ASB3: variants seen among roughly 807,000 people sequenced by gnomAD.
ASB3 encodes the protein ankyrin repeat and SOCS box containing 3.
A neutral mutation model predicts 54.5 loss-of-function variants in ASB3; 41 were observed. That is an observed-to-expected ratio of 0.75 (90% CI 0.59 to 0.98). The LOEUF (loss-of-function observed/expected upper bound fraction) is 0.98. Ranked by LOEUF, ASB3 falls within the 50% of genes least tolerant of loss-of-function variation. The pLI, the probability that ASB3 is intolerant of heterozygous loss-of-function variation, is 0.00. For missense variants in ASB3, 733 were observed against 620.0 expected, an observed-to-expected ratio of 1.18 and a Z score of -1.94; for synonymous variants, 266 against 221.2, an observed-to-expected ratio of 1.20 and a Z score of -1.80.
Position 53,728,599 on chromosome 2 carries a change from T to A in ASB3, c.604+113A>T, listed in dbSNP as rs543714942. ...TATTTACTCTTATTTACCACTTACA[T>A]AAAACCATAAATTTCACAACCTGAT... On this transcript the variant is annotated intron_variant, in intron 5 of 9. Coordinates refer to ENST00000263634, the MANE Select transcript of ASB3 (RefSeq NM_016115.5). 33 of 1,328,296 alleles carry A rather than the reference T, an allele frequency of 2.5e-5. No individual in the cohort carries two copies. In the Admixed American group the frequency reaches 9.1e-4, roughly 37 times the overall value. 82.3% of individuals were successfully genotyped at this position (1,328,296 alleles called of 1,614,324 possible). A position where few individuals can be genotyped will look rare whatever the true frequency, so the allele number is the denominator to read the frequency against.
chr2:53,735,940 C>T (rs1671602131), intron 3 of ASB3, among the ~76,000 whole-genome samples: 1 of 149,340 alleles, frequency 6.7e-6, no homozygotes, highest in Admixed American at 6.7e-5. Flanking sequence ...ACACAATACC[C>T]AATTTCAGAT....
At chr2:53,755,014 A>G (rs865809836) in intron 2 of ASB3, among the ~76,000 whole-genome samples, 1 of 152,224 alleles carries the variant, frequency 6.6e-6, no homozygotes, top group African/African-American at 2.4e-5. Flanking sequence ...TGAAAAAGAA[A>G]TGGCTCATCC....
At chr2:53,688,391 G>C (rs984970390) in intron 9 of ASB3, among the ~76,000 whole-genome samples, 1 of 152,168 alleles carries the variant, frequency 6.6e-6, no homozygotes, top group East Asian at 1.9e-4. Context: ...CAAGGAAAGG[G>C]AGAGCAAAGA....
At chr2:53,780,419 C>T (rs1674579614) in intron 1 of ASB3, among the ~76,000 whole-genome samples, 1 of 152,052 alleles carries the variant, frequency 6.6e-6, no homozygotes, top group Admixed American at 6.6e-5. Flanking sequence ...TATCAAGAAT[C>T]ATATTTGGTG....
intron 9 of ASB3, 57 bp from the exon 10 acceptor site, chr2:53,670,747 C>A: frequency 6.5e-7 from 1 of 1,534,026 alleles, no homozygotes; most frequent in Non-Finnish European, 8.7e-7. Context: ...TGTAATAGCA[C>A]ATAAAGGTAA....
rs1672606350 is a variant in ASB3, at chr2:53,753,007, C to A, written c.197-2066G>T. On this transcript the variant is annotated intron_variant, in intron 2 of 9. Transcript: ENST00000263634. ...TAATCCTGACCATTTAAATATTATGCCTTACAGCAGAAAGAGTGAACCTTA... is the reference window on the plus strand; with the variant it reads ...TAATCCTGACCATTTAAATATTATGACTTACAGCAGAAAGAGTGAACCTTA... Among the ~76,000 whole-genome samples, 4 of 151,854 alleles carry A rather than the reference C, an allele frequency of 2.6e-5. No homozygotes were observed. The South Asian group carries it at 8.3e-4, about 32-fold the overall frequency.
chr2:53,710,259 A>C (rs892042895), intron 7 of ASB3, among the ~76,000 whole-genome samples: 1 of 152,198 alleles, frequency 6.6e-6, no homozygotes, highest in Non-Finnish European at 1.5e-5. Flanking sequence ...GTTTACTTTC[A>C]AGTTAATTTA....
At position 53,706,280 on chromosome 2, in the gene ASB3, A is replaced by C. The variant is rs999493074; in HGVS notation, c.981-5752T>G. Among the ~76,000 whole-genome samples, 14 of 152,214 alleles carry C rather than the reference A, an allele frequency of 9.2e-5. 2 individuals are homozygous for C. The highest frequency in any genetic ancestry group is 8.5e-4 in the Admixed American group (13 of 15,280). On this transcript the variant is annotated intron_variant, in intron 7 of 9. Coordinates refer to ENST00000263634, the MANE Select transcript of ASB3 (RefSeq NM_016115.5). ...AGACTAACATATAATAAATATGCTA[A>C]TCTGATATAATTATTGATTCATTAA...
intron 2 of ASB3, among the ~76,000 whole-genome samples, chr2:53,752,094 T>C (rs779969224): frequency 6.6e-6 from 1 of 152,214 alleles, no homozygotes; most frequent in Non-Finnish European, 1.5e-5. Context: ...CATCAGTAGA[T>C]TGGCTCCTAA....
At chr2:53,719,283 C>T (rs1670569440) in intron 5 of ASB3, among the ~76,000 whole-genome samples, 1 of 152,200 alleles carries the variant, frequency 6.6e-6, no homozygotes, top group Non-Finnish European at 1.5e-5. Flanking sequence ...GAGCCAGGCA[C>T]AGTGGCTCAC....
intron 6 of ASB3, 35 bp downstream of exon 6, chr2:53,716,531 A>G (rs1558535228): frequency 6.3e-7 from 1 of 1,594,804 alleles, no homozygotes; most frequent in Non-Finnish European, 8.6e-7. Flanking sequence ...CTTTTGATTA[A>G]GAGACCATGT....
intron 9 of ASB3, among the ~76,000 whole-genome samples, chr2:53,691,163 A>T (rs1448529327): frequency 6.6e-6 from 1 of 152,148 alleles, no homozygotes; most frequent in Non-Finnish European, 1.5e-5. Context: ...TTTGAAGACA[A>T]ATCTGACTCA....
At position 53,735,368 on chromosome 2, in the gene ASB3, T is replaced by C. The variant is rs566858949; in HGVS notation, c.356-5798A>G. Among the ~76,000 whole-genome samples the C allele has an allele frequency of 1.8e-4, 28 of 151,984 alleles. No individual in the cohort carries two copies. The South Asian group carries it at 5.6e-3, about 30-fold the overall frequency. ...CCTGCCAAGTATTTCCATCCAGACA[T>C]TCTATCAGCCCCTTAAAATCAACAT... On this transcript the variant is annotated intron_variant, in intron 3 of 9. Coordinates refer to ENST00000263634, the MANE Select transcript of ASB3 (RefSeq NM_016115.5).
intron 5 of ASB3, among the ~76,000 whole-genome samples, chr2:53,725,752 A>G (rs1464469052): frequency 1.3e-5 from 2 of 152,202 alleles, no homozygotes; most frequent in Non-Finnish European, 2.9e-5. Context: ...AGTTTTATGT[A>G]CGCAAAAACT....
At chr2:53,713,986 T>G (rs1015572297) in intron 7 of ASB3, among the ~76,000 whole-genome samples, 1 of 152,178 alleles carries the variant, frequency 6.6e-6, no homozygotes, top group African/African-American at 2.4e-5. Flanking sequence ...AAACTAAAGT[T>G]TAATTTTTAG....
intron 1 of ASB3, among the ~76,000 whole-genome samples, chr2:53,772,156 C>A (rs1313779665): frequency 6.6e-6 from 1 of 150,886 alleles, no homozygotes; most frequent in East Asian, 2.0e-4. Flanking sequence ...AACGTACAGA[C>A]AAATAGCATG....
chr2:53,746,035 C>T (rs527592893), intron 3 of ASB3, among the ~76,000 whole-genome samples: 4 of 152,292 alleles, frequency 2.6e-5, no homozygotes, highest in Non-Finnish European at 5.9e-5. Context: ...TGCAGTGGCT[C>T]ATGCCTGTAA....
At chr2:53,694,484 CA>C (rs1036761950) in intron 8 of ASB3, 3 of 152,828 alleles carry the variant, frequency 2.0e-5, no homozygotes, top group African/African-American at 7.2e-5. Flanking sequence ...CCCAGGGATG[CA>C]CAGCTGTTCT....
chr2:53,680,741 T>C (rs1368282259), intron 9 of ASB3, among the ~76,000 whole-genome samples: 1 of 152,202 alleles, frequency 6.6e-6, no homozygotes, highest in Non-Finnish European at 1.5e-5. Context: ...TATCCAATTA[T>C]ACTCTTTCAC....
Sources: gnomAD v4.1 joint callset for allele counts (sites outside exome capture counted in the v4.1 genomes callset) on GRCh38, gnomAD v4.1.1 for gene constraint, MANE v1.5 for transcripts, NCBI Gene and HGNC (gene_info 2026-07-23, HGNC 2026-07-21) for gene names.